The following SVIL variants were observed in gnomAD, a reference collection of about 807,000 sequenced individuals.
The protein encoded by SVIL is supervillin.
SVIL carries 101 observed loss-of-function variants against 240.4 expected under a neutral mutation model. That is an observed-to-expected ratio of 0.42 (90% CI 0.36 to 0.50). The LOEUF (loss-of-function observed/expected upper bound fraction) is 0.50. SVIL is among the 20% of genes least tolerant of loss of function. SVIL has a pLI of 0.01. For synonymous variants in SVIL, 999 were observed against 1,100.0 expected, an observed-to-expected ratio of 0.91 and a Z score of 1.82; for missense variants, 2,512 against 2,818.7, an observed-to-expected ratio of 0.89 and a Z score of 2.46.
chr10:29,645,565 G>A (rs547792132), intron 3 of SVIL, among the ~76,000 whole-genome samples: 4 of 152,052 alleles, frequency 2.6e-5, no homozygotes, highest in Non-Finnish European at 5.9e-5. Flanking sequence ...GTGAAACTCC[G>A]TCTCAAAAAA....
intron 17 of SVIL, among the ~76,000 whole-genome samples, chr10:29,499,517 G>A (rs565940920): frequency 2.6e-5 from 4 of 152,290 alleles, no homozygotes; most frequent in South Asian, 2.1e-4. Context: ...TGGGGCACTG[G>A]AGCACCAGAA....
In SVIL at chr10:29,470,294, G is replaced by A. The variant is rs1290897204; in HGVS notation, c.5825C>T (p.Ala1942Val). The A allele has an allele frequency of 1.2e-6, 2 of 1,614,208 alleles. No homozygotes were observed. The highest frequency in any genetic ancestry group is 1.3e-5 in the African/African-American group (1 of 75,050). Residue 1942 changes from alanine (A) to valine (V), a missense_variant, in exon 32 of 38, where the codon GCG becomes GTG. This residue lies in a region of SVIL where 797 missense variants were observed against 925.3 expected (regional missense o/e 0.86). Coordinates refer to ENST00000355867, the MANE Select transcript of SVIL (RefSeq NM_021738.3). ...CACTCACTGTTCCTTGATCTTGTTC[G>A]CAGCGGTCCTTCCGACCTCCTTCGT... ...AHTKEVGRTA[A>V]NKIKEQCPLE...
chr10:29,603,963 T>G (rs1956911764), intron 1 of SVIL, among the ~76,000 whole-genome samples: 1 of 152,202 alleles, frequency 6.6e-6, no homozygotes, highest in South Asian at 2.1e-4. Flanking sequence ...CTCATGTGAT[T>G]GAATAAAGTT....
At position 29,700,064 on chromosome 10, in the gene SVIL, G is replaced by A. The variant is rs577664623; in HGVS notation, c.-399-13413C>T. Among the ~76,000 whole-genome samples, 5 of 152,312 alleles carry A rather than the reference G, an allele frequency of 3.3e-5. No homozygotes were observed. In the South Asian group the frequency reaches 1.0e-3, roughly 32 times the overall value. ...AAAGTAAGATATGACACACTAGAGAGTAAAAACATAGACGAAATAAATGAT... is the reference window on the plus strand; with the variant it reads ...AAAGTAAGATATGACACACTAGAGAATAAAAACATAGACGAAATAAATGAT... On this transcript the variant is annotated intron_variant, in intron 1 of 35. Coordinates refer to the SVIL transcript ENST00000375400.
At chr10:29,524,838 C>A (rs552123044) in intron 13 of SVIL, 123 bp from the exon 14 acceptor site, 93 of 1,468,736 alleles carry the variant, frequency 6.3e-5, no homozygotes, top group Non-Finnish European at 7.9e-5. Flanking sequence ...TCCCTAAGCA[C>A]GTCTAGGACA....
At position 29,489,335 on chromosome 10, in the gene SVIL, G is replaced by A. The variant is rs543522392; in HGVS notation, c.4193-579C>T. 2.2e-4 allele frequency among the ~76,000 whole-genome samples: 34 copies of A among 152,240 alleles called. No homozygotes were observed. The South Asian group carries it at 5.6e-3, about 25-fold the overall frequency. On this transcript the variant is annotated intron_variant, in intron 22 of 37. Transcript: ENST00000355867. ...GCAAAACAGCAAACATCTATAGACC[G>A]GTCAGTCATCACTAATCCAACCCCT... is the stretch of plus-strand genomic sequence containing the variant.
In SVIL at chr10:29,550,977, C is replaced by A. The variant is rs1401332172; in HGVS notation, c.447G>T (p.Arg149=). ...CTTCCTGTTTGTCACTTTTTCCTCCCCGCTTCTCGACAGCATCAGGCTCCT... is the reference window on the plus strand; with the variant it reads ...CTTCCTGTTTGTCACTTTTTCCTCCACGCTTCTCGACAGCATCAGGCTCCT... The part of the protein sequence containing the change: ...SRKEPDAVEK[R]GGKSDKQEES... Residue 149 remains arginine (R), a synonymous_variant, in exon 6 of 38, where the codon CGG becomes CGT. Coordinates refer to ENST00000355867, the MANE Select transcript of SVIL (RefSeq NM_021738.3). 1 of 1,614,140 alleles carries A rather than the reference C, an allele frequency of 6.2e-7. No individual in the cohort carries two copies. Among genetic ancestry groups the A allele is most frequent in the East Asian group, 2.2e-5 (1 of 44,870 alleles).
intron 2 of SVIL, among the ~76,000 whole-genome samples, chr10:29,673,926 G>C (rs1347203831): frequency 6.6e-6 from 1 of 152,216 alleles, no homozygotes; most frequent in Non-Finnish European, 1.5e-5. Flanking sequence ...CCCAACTGTA[G>C]AAAATTCTCT....
chr10:29,543,197 C>T (rs1040136941), intron 6 of SVIL, among the ~76,000 whole-genome samples: 5 of 152,132 alleles, frequency 3.3e-5, no homozygotes, highest in East Asian at 1.9e-4. Flanking sequence ...ATTGCAACCT[C>T]GGGCATACAT....
Position 29,490,873 on chromosome 10 carries a change from T to C in SVIL, c.4166A>G (p.Glu1389Gly). Residue 1389 changes from glutamate (E) to glycine (G), a missense_variant, in exon 22 of 38, where the codon GAG becomes GGG. Physicochemically the swap from Glu to Gly is moderately conservative, Grantham distance 98 (BLOSUM62 -2). Coordinates refer to ENST00000355867, the MANE Select transcript of SVIL (RefSeq NM_021738.3). ...TEQRLNVAFM[E>G]SKRMKVEKMS... ...CTTTTCTACTTTCATCCGCTTTGAC[T>C]CCATGAAGGCAACGTTTAATCTCTG... 1 of 1,613,962 alleles carries C rather than the reference T, an allele frequency of 6.2e-7. No homozygotes were observed. Among genetic ancestry groups the C allele is most frequent in the South Asian group, 1.1e-5 (1 of 91,072 alleles).
intron 16 of SVIL, among the ~76,000 whole-genome samples, chr10:29,516,618 C>G (rs1022709345): frequency 6.6e-6 from 1 of 152,246 alleles, no homozygotes; most frequent in African/African-American, 2.4e-5. Context: ...GCGCTTCTAA[C>G]AACTGCCAAG....
At chr10:29,488,508 G>A (rs1462251789) in intron 23 of SVIL, 93 bp downstream of exon 23, 18 of 1,365,228 alleles carry the variant, frequency 1.3e-5, no homozygotes, top group South Asian at 5.3e-5. Flanking sequence ...TTCCTTTCCC[G>A]GCACAGGCAA....
At chr10:29,529,971 G>T in intron 11 of SVIL, 127 bp from the exon 12 acceptor site, 1 of 964,662 alleles carries the variant, frequency 1.0e-6, no homozygotes, top group Non-Finnish European at 1.5e-6. Flanking sequence ...AAGAGTTCAA[G>T]ACCAGCCTGG....
intron 20 of SVIL, among the ~76,000 whole-genome samples, 184 bp from the exon 21 acceptor site, chr10:29,493,575 C>CA (rs1948164295): frequency 6.6e-6 from 1 of 152,156 alleles, no homozygotes; most frequent in South Asian, 2.1e-4. Context: ...AAGGACTTCC[C>CA]ACCTGAACAA....
At chr10:29,544,997 G>C (rs758058754) in intron 6 of SVIL, 1 of 534,506 alleles carries the variant, frequency 1.9e-6, no homozygotes, top group Non-Finnish European at 3.8e-6. Context: ...CCCCCAAGAT[G>C]TATGTTTCTC....
intron 26 of SVIL, among the ~76,000 whole-genome samples, chr10:29,485,643 C>T (rs1048171040): frequency 2.0e-5 from 3 of 152,134 alleles, no homozygotes; most frequent in Non-Finnish European, 2.9e-5. Flanking sequence ...ACTTAGCATG[C>T]TTAATGATAC....
At chr10:29,661,562 A>G (rs1470810826) in intron 2 of SVIL, among the ~76,000 whole-genome samples, 1 of 152,160 alleles carries the variant, frequency 6.6e-6, no homozygotes, top group African/African-American at 2.4e-5. Flanking sequence ...GACCTTTCCA[A>G]GGCATTTCTT....
In SVIL at chr10:29,591,691, C is replaced by T. The variant is rs144972379; in HGVS notation, c.-200-22379G>A. On this transcript the variant is annotated intron_variant, in intron 1 of 37. Coordinates refer to ENST00000355867, the MANE Select transcript of SVIL (RefSeq NM_021738.3). ...CTGAGAACTATCATGTTCCTAAATACGTGAGTCCTTCCAGCACATTAGGTG... is the reference window on the plus strand; with the variant it reads ...CTGAGAACTATCATGTTCCTAAATATGTGAGTCCTTCCAGCACATTAGGTG... Among the ~76,000 whole-genome samples, 83 of 152,336 alleles carry T rather than the reference C, an allele frequency of 5.4e-4. No individual in the cohort carries two copies. The East Asian group carries it at 5.8e-3, about 11-fold the overall frequency.
intron 17 of SVIL, among the ~76,000 whole-genome samples, chr10:29,500,808 CG>C (rs776431281): frequency 1.3e-4 from 20 of 152,116 alleles, no homozygotes; most frequent in Non-Finnish European, 2.4e-4. Flanking sequence ...TTCTCTTCCC[CG>C]ATGCCTTTCC....
Sources: gnomAD v4.1 joint callset for allele counts (sites outside exome capture counted in the v4.1 genomes callset) on GRCh38, gnomAD v4.1.1 for gene constraint, gnomAD v4.1.1 regional missense constraint, MANE v1.5 for transcripts, NCBI Gene and HGNC (gene_info 2026-07-23, HGNC 2026-07-21) for gene names.